The following SHANK2 variants were observed in gnomAD, a reference collection of about 807,000 sequenced individuals.
The protein encoded by SHANK2 is SH3 and multiple ankyrin repeat domains 2, also known as SH3 and multiple ankyrin repeat domains protein 2.
A neutral mutation model predicts 133.7 loss-of-function variants in SHANK2; 43 were observed. That is an observed-to-expected ratio of 0.32 (90% CI 0.25 to 0.41). SHANK2 has a LOEUF of 0.41. SHANK2 is among the 10% of genes least tolerant of loss of function. The pLI is 1.00. For synonymous variants in SHANK2, 1,017 were observed against 952.8 expected, an observed-to-expected ratio of 1.07 and a Z score of -1.24; for missense variants, 1,994 against 2,235.8, an observed-to-expected ratio of 0.89 and a Z score of 2.18.
chr11:70,925,610 A>G (rs1565409344), intron 10 of SHANK2, among the ~76,000 whole-genome samples: 2 of 152,228 alleles, frequency 1.3e-5, no homozygotes, highest in Non-Finnish European at 2.9e-5. Context: ...CAAATCCACT[A>G]CAAATGACTG....
chr11:70,875,137 T>C (rs1949537351), intron 11 of SHANK2, among the ~76,000 whole-genome samples: 1 of 152,134 alleles, frequency 6.6e-6, no homozygotes, highest in Non-Finnish European at 1.5e-5. Flanking sequence ...TCATTGGCAA[T>C]TTTTAGAACG....
intron 10 of SHANK2, among the ~76,000 whole-genome samples, chr11:70,918,046 A>C (rs1555080142): frequency 6.8e-6 from 1 of 147,580 alleles, no homozygotes; most frequent in Non-Finnish European, 1.5e-5. Flanking sequence ...TTTTTTTTTA[A>C]ATAAGGCCAA....
chr11:70,636,783 CATGTGTGAGCGT>C (rs2061105184), intron 17 of SHANK2, among the ~76,000 whole-genome samples: 4 of 151,054 alleles, frequency 2.6e-5, no homozygotes, highest in Non-Finnish European at 4.4e-5. Flanking sequence ...TCTGTGTGAG[CATGTGTGAGCGT>C]GTGTGTGAAC....
At chr11:71,216,703 A>G (rs1565520884) in intron 2 of SHANK2, among the ~76,000 whole-genome samples, 1 of 152,192 alleles carries the variant, frequency 6.6e-6, no homozygotes, top group Non-Finnish European at 1.5e-5. Flanking sequence ...GTGAGGTCAC[A>G]GCCCCAGGGA....
chr11:70,797,319 C>T (rs539274995), intron 14 of SHANK2, among the ~76,000 whole-genome samples: 22 of 152,320 alleles, frequency 1.4e-4, no homozygotes, highest in Admixed American at 8.5e-4. Flanking sequence ...AGCACATTCC[C>T]AGCTTCTCCT....
intron 11 of SHANK2, among the ~76,000 whole-genome samples, chr11:70,846,656 C>T (rs1949002001): frequency 6.6e-6 from 1 of 152,162 alleles, no homozygotes; most frequent in South Asian, 2.1e-4. Flanking sequence ...AGGTGCCTAA[C>T]GGCCACCTCA....
rs910012276 is a variant in SHANK2, at chr11:70,612,588, G to A, written c.2061+47240C>T. On this transcript the variant is annotated intron_variant, in intron 17 of 25. Coordinates refer to ENST00000601538, the MANE Select transcript of SHANK2 (RefSeq NM_012309.5). ...GCATACTGTACAGGCAAGGTTAAAC[G>A]AAACTCCACGAAGAAAAATGCAAAA... Among the ~76,000 whole-genome samples, 6 of 152,140 alleles carry A rather than the reference G, an allele frequency of 3.9e-5. No individual in the cohort carries two copies. The South Asian group carries it at 6.2e-4, about 16-fold the overall frequency.
chr11:70,527,659 C>T (rs1045371508), intron 17 of SHANK2, among the ~76,000 whole-genome samples: 8 of 152,198 alleles, frequency 5.3e-5, no homozygotes, highest in East Asian at 1.9e-4. Context: ...GCCCTGAGGC[C>T]GGGCCCCCAA....
chr11:70,748,470 G>A (rs116159140), intron 14 of SHANK2, among the ~76,000 whole-genome samples: 3,656 of 152,222 alleles, frequency 0.024, 140 homozygotes, highest in African/African-American at 0.084. Flanking sequence ...GGGACTGCTG[G>A]CAGGAGGGCA....
chr11:70,502,753 C>CCCCGG, intron 18 of SHANK2, 43 bp downstream of exon 18: 1 of 1,390,684 alleles, frequency 7.2e-7, no homozygotes, highest in Non-Finnish European at 9.6e-7. Flanking sequence ...CCCCCCCCCC[C>CCCCGG]AGTAGGGCCC....
intron 14 of SHANK2, among the ~76,000 whole-genome samples, chr11:70,749,399 T>C (rs958427649): frequency 1.3e-5 from 2 of 152,236 alleles, no homozygotes; most frequent in African/African-American, 4.8e-5. Flanking sequence ...AGATTCCAGT[T>C]TGAGTCTAAT....
chr11:70,869,408 T>C (rs1949422867), intron 11 of SHANK2, among the ~76,000 whole-genome samples: 1 of 152,192 alleles, frequency 6.6e-6, no homozygotes, highest in African/African-American at 2.4e-5. Context: ...CGGCACGTTA[T>C]TAAACCCACT....
intron 1 of SHANK2, among the ~76,000 whole-genome samples, chr11:71,231,634 T>A (rs1296005464): frequency 6.6e-6 from 1 of 152,164 alleles, no homozygotes; most frequent in African/African-American, 2.4e-5. Context: ...ACACCTGTAA[T>A]ACCAGCACCT....
intron 4 of SHANK2, among the ~76,000 whole-genome samples, chr11:71,115,672 G>A (rs1029202908): frequency 6.6e-5 from 10 of 152,094 alleles, no homozygotes; most frequent in African/African-American, 1.7e-4. Context: ...ATGGGAATCC[G>A]GGGCTGAGAG....
At chr11:70,949,117 G>A (rs1950796589) in intron 10 of SHANK2, among the ~76,000 whole-genome samples, 1 of 152,032 alleles carries the variant, frequency 6.6e-6, no homozygotes, top group Admixed American at 6.5e-5. Flanking sequence ...TAAATACACT[G>A]GATAAACACA....
chr11:70,515,436 C>T (rs1046633425), intron 17 of SHANK2, among the ~76,000 whole-genome samples: 2 of 152,032 alleles, frequency 1.3e-5, no homozygotes, highest in Non-Finnish European at 2.9e-5. Flanking sequence ...ATTTTATTAT[C>T]TTCTTCGAAG....
intron 6 of SHANK2, among the ~76,000 whole-genome samples, chr11:71,107,396 C>T (rs1177613991): frequency 1.3e-5 from 2 of 152,150 alleles, no homozygotes; most frequent in African/African-American, 4.8e-5. Flanking sequence ...AGCCACTTAT[C>T]GGGGACCTGA....
At chr11:71,142,104 G>A (rs1340912896) in intron 3 of SHANK2, among the ~76,000 whole-genome samples, 1 of 151,828 alleles carries the variant, frequency 6.6e-6, no homozygotes, top group Non-Finnish European at 1.5e-5. Flanking sequence ...AAGAGTGCAG[G>A]GCTATGGAAA....
At chr11:71,192,020 C>A (rs1321042977) in intron 2 of SHANK2, among the ~76,000 whole-genome samples, 1 of 152,150 alleles carries the variant, frequency 6.6e-6, no homozygotes, top group African/African-American at 2.4e-5. Flanking sequence ...AATACCATAC[C>A]TGGATAATTT....
Sources: gnomAD v4.1 joint callset for allele counts (sites outside exome capture counted in the v4.1 genomes callset) on GRCh38, gnomAD v4.1.1 for gene constraint, MANE v1.5 for transcripts, NCBI Gene and HGNC (gene_info 2026-07-23, HGNC 2026-07-21) for gene names.